ARPC1A: variants seen among roughly 807,000 people sequenced by gnomAD.
ARPC1A encodes actin related protein 2/3 complex subunit 1A.
Under a neutral mutation model 46.9 loss-of-function variants are expected in ARPC1A, and 8 were observed. That is an observed-to-expected ratio of 0.17 (90% confidence interval 0.10 to 0.31). The LOEUF is 0.31. ARPC1A is among the 10% of genes least tolerant of loss of function. The pLI is 1.00. For synonymous variants in ARPC1A, 152 were observed against 169.0 expected (o/e 0.90, Z 0.78); for missense variants, 286 against 483.6 (o/e 0.59, Z 3.83).
At chr7:99,350,222 G>A (rs1793524632) in intron 5 of ARPC1A, among the ~76,000 whole-genome samples, 1 of 152,120 alleles carries the variant, frequency 6.6e-6, no homozygotes, top group Admixed American at 6.6e-5. Context: ...GGATTAGCAT[G>A]TACTCTCTCT....
At chr7:99,363,826 C>T (rs946761403) in intron 9 of ARPC1A, among the ~76,000 whole-genome samples, 193 bp downstream of exon 9, 1 of 152,074 alleles carries the variant, frequency 6.6e-6, no homozygotes, top group Non-Finnish European at 1.5e-5. Context: ...AGGCATGCAC[C>T]ACCATGCTCC....
intron 7 of ARPC1A, 63 bp from the exon 8 acceptor site, chr7:99,359,482 C>A: frequency 3.4e-6 from 5 of 1,489,564 alleles, no homozygotes; most frequent in Non-Finnish European, 4.7e-6. Context: ...GTGGTGAACA[C>A]TCTGCCAAGG....
chr7:99,365,558 G>A (rs1303025251), intron 9 of ARPC1A, among the ~76,000 whole-genome samples: 1 of 151,746 alleles, frequency 6.6e-6, no homozygotes, highest in African/African-American at 2.4e-5. Context: ...AGGCTGCAGT[G>A]AGCTGTGGTC....
intron 1 of ARPC1A, among the ~76,000 whole-genome samples, chr7:99,332,734 T>C (rs888045962): frequency 6.8e-6 from 1 of 147,098 alleles, no homozygotes; most frequent in Non-Finnish European, 1.5e-5. Flanking sequence ...CCCAAGTAGC[T>C]GGGACTACAG....
intron 4 of ARPC1A, among the ~76,000 whole-genome samples, chr7:99,347,816 C>G (rs919281452): frequency 6.9e-6 from 1 of 145,112 alleles, no homozygotes; most frequent in Admixed American, 7.1e-5. Context: ...ACAACAAGAG[C>G]GAAACTCCAT....
At chr7:99,356,949 A>C (rs1793647131) in intron 6 of ARPC1A, among the ~76,000 whole-genome samples, 1 of 152,174 alleles carries the variant, frequency 6.6e-6, no homozygotes, top group Non-Finnish European at 1.5e-5. Flanking sequence ...TATAAAATGT[A>C]GTCTTTCAGA....
chr7:99,345,224 G>T (rs937449896), intron 4 of ARPC1A, among the ~76,000 whole-genome samples: 1 of 151,686 alleles, frequency 6.6e-6, no homozygotes, highest in African/African-American at 2.4e-5. Context: ...GAGCCACCAC[G>T]CCTGGTCAAT....
At chr7:99,347,430 C>G (rs923133004) in intron 4 of ARPC1A, among the ~76,000 whole-genome samples, 1 of 152,120 alleles carries the variant, frequency 6.6e-6, no homozygotes, top group African/African-American at 2.4e-5. Flanking sequence ...TGTAGCCAGG[C>G]GTGGTGGCTC....
chr7:99,347,918 A>G (rs902868758), intron 4 of ARPC1A, among the ~76,000 whole-genome samples: 2 of 152,090 alleles, frequency 1.3e-5, no homozygotes, highest in Admixed American at 1.3e-4. Flanking sequence ...TAGTCTCCCA[A>G]CTGTTGAGCA....
chr7:99,353,556 C>T (rs1793582286), intron 5 of ARPC1A, among the ~76,000 whole-genome samples: 1 of 151,906 alleles, frequency 6.6e-6, no homozygotes, highest in African/African-American at 2.4e-5. Flanking sequence ...CGGCTCACTG[C>T]AACCTCTACC....
chr7:99,338,919 A>G (rs1793312691), intron 3 of ARPC1A, among the ~76,000 whole-genome samples: 2 of 152,192 alleles, frequency 1.3e-5, no homozygotes, highest in African/African-American at 2.4e-5. Flanking sequence ...AACGTGCGCC[A>G]AACTATTTCC....
intron 7 of ARPC1A, chr7:99,358,630 TC>T: frequency 2.1e-6 from 1 of 482,658 alleles, no homozygotes; most frequent in Non-Finnish European, 3.7e-6. Context: ...AACCTCTGCC[TC>T]CCGGGTTCAA....
chr7:99,337,648 A>T (rs747159970), intron 2 of ARPC1A, among the ~76,000 whole-genome samples: 1 of 152,146 alleles, frequency 6.6e-6, no homozygotes, highest in Non-Finnish European at 1.5e-5. Context: ...AAAACAAAGT[A>T]TTGTGATTTA....
At chr7:99,355,174 C>T (rs1296976332) in intron 6 of ARPC1A, among the ~76,000 whole-genome samples, 5 of 150,710 alleles carry the variant, frequency 3.3e-5, no homozygotes, top group Admixed American at 6.6e-5. Context: ...CCCAGCTACT[C>T]GGGAGGCTGA....
intron 2 of ARPC1A, 85 bp downstream of exon 2, chr7:99,333,502 A>C (rs959868035): frequency 1.7e-6 from 2 of 1,173,124 alleles, no homozygotes; most frequent in Non-Finnish European, 2.5e-6. Context: ...CACATATCTC[A>C]GTATCACATG....
intron 6 of ARPC1A, among the ~76,000 whole-genome samples, chr7:99,356,299 A>T (rs1009181764): frequency 1.3e-5 from 2 of 152,138 alleles, no homozygotes; most frequent in Admixed American, 6.6e-5. Flanking sequence ...AGTTTTACAT[A>T]TTTTTTTAAA....
intron 9 of ARPC1A, among the ~76,000 whole-genome samples, chr7:99,364,260 ATC>A (rs1358505081): frequency 1.9e-4 from 25 of 134,450 alleles, no homozygotes; most frequent in African/African-American, 5.3e-4. Context: ...AGCCTTGGAG[ATC>A]TCTCTCTTTT....
At chr7:99,338,938 T>TC (rs1400293172) in intron 3 of ARPC1A, among the ~76,000 whole-genome samples, 1 of 152,140 alleles carries the variant, frequency 6.6e-6, no homozygotes, top group Non-Finnish European at 1.5e-5. Context: ...CCAAGTGTCT[T>TC]CCAAAAGTTT....
chr7:99,340,072 A>G (rs1379282296), intron 3 of ARPC1A: 1 of 448,328 alleles, frequency 2.2e-6, no homozygotes, highest in African/African-American at 2.0e-5. Context: ...ATTAGCCATG[A>G]GAGTTTTTCT....
Sources: gnomAD v4.1 joint callset for allele counts (sites outside exome capture counted in the v4.1 genomes callset) on GRCh38, gnomAD v4.1.1 for gene constraint, MANE v1.5 for transcripts, NCBI Gene and HGNC (gene_info 2026-07-23, HGNC 2026-07-21) for gene names.